The following PPP4R2 variants were observed in gnomAD, a reference collection of about 807,000 sequenced individuals.
The protein encoded by PPP4R2 is protein phosphatase 4 regulatory subunit 2.
In PPP4R2, 13 loss-of-function variants were observed where a neutral mutation model predicts 47.2. The ratio of observed to expected loss-of-function variants is 0.28; its 90% confidence interval spans 0.18 to 0.44. The LOEUF is 0.44. Among genes scored for constraint, PPP4R2 ranks in the 20% least tolerant of loss-of-function variants. The pLI is 1.00. For missense variants in PPP4R2, 421 were observed against 491.2 expected (o/e 0.86, Z 1.35); for synonymous variants, 151 against 163.3 (o/e 0.92, Z 0.57).
intron 3 of PPP4R2, among the ~76,000 whole-genome samples, chr3:73,054,363 A>T (rs1431281821): frequency 1.3e-5 from 2 of 152,260 alleles, no homozygotes; most frequent in African/African-American, 4.8e-5. Context: ...TAGAGAAAGA[A>T]CATACTGCTT....
intron 2 of PPP4R2, among the ~76,000 whole-genome samples, chr3:73,002,715 C>T (rs912337577): frequency 4.9e-5 from 7 of 143,480 alleles, no homozygotes; most frequent in Non-Finnish European, 9.0e-5. Context: ...GATCTCGGCT[C>T]GCTACAACCT....
intron 2 of PPP4R2, among the ~76,000 whole-genome samples, chr3:73,028,343 A>G (rs1008979267): frequency 6.7e-6 from 1 of 149,968 alleles, no homozygotes; most frequent in Non-Finnish European, 1.5e-5. Flanking sequence ...TGGCCCAGGT[A>G]GTTGGAATTT....
chr3:73,001,851 T>A (rs113200318), intron 2 of PPP4R2, among the ~76,000 whole-genome samples: 14 of 152,264 alleles, frequency 9.2e-5, no homozygotes, highest in Non-Finnish European at 1.5e-4. Context: ...ATGATCTCTA[T>A]CTCTTGACCT....
At chr3:73,009,029 TAGTG>T (rs746672573) in intron 2 of PPP4R2, among the ~76,000 whole-genome samples, 56 of 152,340 alleles carry the variant, frequency 3.7e-4, no homozygotes, top group Middle Eastern at 3.4e-3. Flanking sequence ...GACAGGCAGA[TAGTG>T]AGTGTCCTGT....
intron 3 of PPP4R2, among the ~76,000 whole-genome samples, chr3:73,055,135 C>G (rs6549503): frequency 0.53 from 80,199 of 151,914 alleles, 21,524 homozygotes; most frequent in African/African-American, 0.62. Flanking sequence ...AAAGACAGAC[C>G]TATACTTTTG....
chr3:73,035,676 G>A (rs1387876371), intron 2 of PPP4R2, among the ~76,000 whole-genome samples: 2 of 152,078 alleles, frequency 1.3e-5, no homozygotes. Context: ...CCAGGCTGGA[G>A]TGCAGTGGCA....
intron 6 of PPP4R2, 98 bp downstream of exon 6, chr3:73,063,845 A>T: frequency 9.0e-7 from 1 of 1,108,264 alleles, no homozygotes; most frequent in Non-Finnish European, 1.3e-6. Context: ...TTTTATGGAC[A>T]CCATAGGATG....
rs1702351745 is a variant in PPP4R2 at position 73,040,314 on chromosome 3, T to G, written c.117-6872T>G. On this transcript the variant is annotated intron_variant, in intron 2 of 8. Transcript: ENST00000356692. ...ACACTACAAAGTATGGTACATGGTG[T>G]CTGGGGAGTTTCTGAAGGTTGAAAC... 3.3e-5 allele frequency among the ~76,000 whole-genome samples: 5 copies of G among 152,192 alleles called. No homozygotes were observed. In the South Asian group the frequency reaches 1.0e-3, roughly 31 times the overall value.
chr3:73,008,044 C>T (rs932614549), intron 2 of PPP4R2, among the ~76,000 whole-genome samples: 1 of 149,574 alleles, frequency 6.7e-6, no homozygotes, highest in African/African-American at 2.5e-5. Flanking sequence ...CCCCCACCCC[C>T]CCTCCCATAA....
chr3:72,998,966 G>C (rs1450437505), intron 2 of PPP4R2, among the ~76,000 whole-genome samples: 1 of 152,182 alleles, frequency 6.6e-6, no homozygotes, highest in African/African-American at 2.4e-5. Flanking sequence ...TATCTGCCCA[G>C]TATGAGTGTA....
chr3:73,006,409 G>C (rs1701610891), intron 2 of PPP4R2, among the ~76,000 whole-genome samples: 1 of 151,926 alleles, frequency 6.6e-6, no homozygotes, highest in Non-Finnish European at 1.5e-5. Flanking sequence ...ACATGGGCCA[G>C]GCTGACTCCT....
At chr3:73,052,633 G>T (rs1016907460) in intron 3 of PPP4R2, among the ~76,000 whole-genome samples, 7 of 152,078 alleles carry the variant, frequency 4.6e-5, no homozygotes, top group Non-Finnish European at 8.8e-5. Flanking sequence ...AGTTTTAAAA[G>T]ATACCATTTT....
intron 2 of PPP4R2, among the ~76,000 whole-genome samples, chr3:73,011,028 A>C (rs1046057138): frequency 2.0e-5 from 3 of 152,206 alleles, no homozygotes; most frequent in Non-Finnish European, 4.4e-5. Flanking sequence ...TGTACAGCTA[A>C]GTAATGGAAC....
At chr3:73,060,940 G>T in intron 4 of PPP4R2, 83 bp from the exon 5 acceptor site, 1 of 906,066 alleles carries the variant, frequency 1.1e-6, no homozygotes, top group Non-Finnish European at 1.6e-6. Flanking sequence ...TAACCCACCA[G>T]AGTGATTTTA....
At chr3:73,001,522 C>T (rs1368719812) in intron 2 of PPP4R2, among the ~76,000 whole-genome samples, 15 of 152,118 alleles carry the variant, frequency 9.9e-5, no homozygotes, top group African/African-American at 2.2e-4. Flanking sequence ...TGCAGTGAGC[C>T]GTGATTGTGC....
intron 5 of PPP4R2, chr3:73,063,258 G>C: frequency 6.8e-6 from 2 of 295,932 alleles, no homozygotes; most frequent in Admixed American, 5.2e-5. Context: ...ATCTTGAGGG[G>C]GGAGTGTTGG....
intron 2 of PPP4R2, among the ~76,000 whole-genome samples, chr3:73,039,977 C>T (rs141794049): frequency 3.3e-5 from 5 of 152,148 alleles, no homozygotes; most frequent in African/African-American, 1.2e-4. Context: ...TTGCTTGAAC[C>T]AGGGAGGCGG....
Position 73,049,214 on chromosome 3 carries a change from C to T in PPP4R2, c.287+1858C>T, listed in dbSNP as rs370552870. On this transcript the variant is annotated intron_variant, in intron 3 of 8. Coordinates refer to ENST00000356692, the MANE Select transcript of PPP4R2 (RefSeq NM_174907.4). ...ATACATTCAAGATTAGAATACTTCT[C>T]GGGGCCAGGTGTGGTGGCTCACGCC... 1.2e-4 allele frequency among the ~76,000 whole-genome samples: 18 copies of T among 152,158 alleles called. 1 individual carries two copies. The highest frequency in any genetic ancestry group is 3.1e-4 in the African/African-American group (13 of 41,514).
intron 2 of PPP4R2, among the ~76,000 whole-genome samples, chr3:73,038,133 G>A (rs992780055): frequency 6.6e-6 from 1 of 152,184 alleles, no homozygotes; most frequent in African/African-American, 2.4e-5. Flanking sequence ...CTAGATTGTA[G>A]AGGGGGTGGT....
Sources: allele counts gnomAD v4.1 joint callset (sites outside exome capture counted in the v4.1 genomes callset), GRCh38; gene constraint gnomAD v4.1.1; transcripts MANE v1.5; gene names NCBI Gene and HGNC (gene_info 2026-07-23, HGNC 2026-07-21).